COMMD5: variants seen among roughly 807,000 people sequenced by gnomAD.
COMMD5 encodes COMM domain-containing protein 5.
In COMMD5, 10 loss-of-function variants were observed where a neutral mutation model predicts 6.9. That is an observed-to-expected ratio of 1.44 (90% CI 0.89 to 2.45). The LOEUF is 2.45. Among genes scored for constraint, COMMD5 ranks in the 30% most tolerant of loss-of-function variants. COMMD5 has a pLI of 0.00. For synonymous variants in COMMD5, 127 were observed against 125.3 expected, an observed-to-expected ratio of 1.01 and a Z score of -0.09; for missense variants, 234 against 287.8, an observed-to-expected ratio of 0.81 and a Z score of 1.35.
At chr8:144,840,069 G>A (rs1375024073), downstream of COMMD5, among the ~76,000 whole-genome samples, 1 of 152,190 alleles carries the variant, frequency 6.6e-6, no homozygotes, top group African/African-American at 2.4e-5. Flanking sequence ...CAAGTAGCCG[G>A]GATTACAGGC....
At chr8:144,842,186 G>A in intron 1 of COMMD5, 1 of 1,613,626 alleles carries the variant, frequency 6.2e-7, no homozygotes, top group Non-Finnish European at 8.5e-7. Flanking sequence ...ACTGGGGAGA[G>A]GCCCTACCCT....
At chr8:144,850,043 G>A, downstream of COMMD5, 1 of 152,686 alleles carries the variant, frequency 6.5e-6, no homozygotes, top group Non-Finnish European at 1.5e-5. The surrounding 1 kb of genome is among the most constrained non-coding windows in gnomAD (Gnocchi z 4.0). Context: ...ACCTTGTGCT[G>A]CTCCCCTCAG....
At chr8:144,843,933 C>A (rs1349376822) in intron 1 of COMMD5, among the ~76,000 whole-genome samples, 3 of 152,180 alleles carry the variant, frequency 2.0e-5, no homozygotes, top group African/African-American at 7.2e-5. Flanking sequence ...AGAACTTAAC[C>A]CAGCCACCCA....
downstream of COMMD5, among the ~76,000 whole-genome samples, chr8:144,839,470 C>T (rs188207971): frequency 3.3e-5 from 5 of 152,356 alleles, no homozygotes; most frequent in African/African-American, 1.2e-4. Context: ...TAAAATGTCT[C>T]CAACATGGAC....
At chr8:144,848,439 A>G (rs952435348), downstream of COMMD5, among the ~76,000 whole-genome samples, 13 of 151,496 alleles carry the variant, frequency 8.6e-5, no homozygotes, top group Admixed American at 8.5e-4. Flanking sequence ...AGAGGTTGCA[A>G]TGAGTCGAGA....
downstream of COMMD5, among the ~76,000 whole-genome samples, chr8:144,848,921 G>A (rs1260933467): frequency 6.6e-6 from 1 of 152,180 alleles, no homozygotes. Context: ...TCTTTTCATG[G>A]CTGTGTCTTG....
At position 144,841,361 on chromosome 8, in the gene COMMD5, C is replaced by A. The variant is rs180952992; in HGVS notation, c.*499G>T. 7.2e-5 allele frequency: 115 copies of A among 1,598,878 alleles called. 1 individual carries two copies. The East Asian group carries it at 1.9e-3, about 26-fold the overall frequency. On this transcript the variant is annotated 3_prime_UTR_variant and NMD_transcript_variant, in exon 2 of 2. Transcript: ENST00000530332. ...TTGTTCCTGTTTATTTCAGATTCTA[C>A]GATTAGGACTGAAAATGAGCAGGCC...
exon 2 of COMMD5, chr8:144,841,124 G>A (rs1331881800): frequency 9.6e-6 from 5 of 519,112 alleles, no homozygotes; most frequent in Non-Finnish European, 3.4e-6. Context: ...ACCCAGCCCT[G>A]CCCCAGCAAT....
downstream of COMMD5, among the ~76,000 whole-genome samples, chr8:144,845,622 A>G (rs1374552247): frequency 6.6e-6 from 1 of 152,204 alleles, no homozygotes; most frequent in East Asian, 1.9e-4. Flanking sequence ...TAAGGCTGAT[A>G]TTCACAGGCA....
chr8:144,852,086 A>T (rs1158144684), intron 1 of COMMD5, among the ~76,000 whole-genome samples: 1 of 143,614 alleles, frequency 7.0e-6, no homozygotes, highest in Non-Finnish European at 1.5e-5. Context: ...GGCTGCAGTG[A>T]GACGAAATCG....
chr8:144,849,996 G>T (rs1830663955), downstream of COMMD5, among the ~76,000 whole-genome samples: 1 of 151,938 alleles, frequency 6.6e-6, no homozygotes, highest in African/African-American at 2.4e-5. Context: ...AGCACGTCAG[G>T]CCTCCCCACA....
chr8:144,842,973 G>A, intron 1 of COMMD5: 1 of 1,614,202 alleles, frequency 6.2e-7, no homozygotes, highest in Non-Finnish European at 8.5e-7. Context: ...CCACCTTTGT[G>A]AGCCGTAAAA....
chr8:144,838,254 A>G, downstream of COMMD5: 10 of 645,692 alleles, frequency 1.5e-5, no homozygotes, highest in South Asian at 1.7e-4. Context: ...ATGGTGGGTT[A>G]GGGGCCACCC....
chr8:144,840,185 G>C (rs1455114750), downstream of COMMD5, among the ~76,000 whole-genome samples: 1 of 152,266 alleles, frequency 6.6e-6, no homozygotes, highest in African/African-American at 2.4e-5. Context: ...TGCTGAGGTG[G>C]TGTGGTTGTG....
chr8:144,841,199 C>G, exon 2 of COMMD5: 1 of 744,662 alleles, frequency 1.3e-6, no homozygotes, highest in Non-Finnish European at 2.2e-6. Context: ...TGAGAACTGT[C>G]AAAGGCTCTG....
downstream of COMMD5, among the ~76,000 whole-genome samples, chr8:144,845,672 C>T (rs1188853973): frequency 6.6e-6 from 1 of 152,184 alleles, no homozygotes; most frequent in African/African-American, 2.4e-5. Flanking sequence ...CTCCACAGTC[C>T]TTGTCATTCA....
At position 144,851,035 on chromosome 8, in the gene COMMD5, TG is replaced by T. The variant is rs754887321; in HGVS notation, c.303del (p.Thr102ProfsTer3). ...CTGAAGGTGTCAGGCTTCAGGCTGGTGGGGGGCAGACGGAGGGCCTGCTGGA... is the reference window on the plus strand; with the variant it reads ...CTGAAGGTGTCAGGCTTCAGGCTGGTGGGGGCAGACGGAGGGCCTGCTGGA... ...TLLQQALRLP[P>X]TSLKPDTFRD... On this transcript the variant is annotated frameshift_variant, in exon 2 of 2. Transcript: ENST00000305103. LOFTEE classifies it high-confidence loss of function. The T allele has an allele frequency of 1.2e-6, 2 of 1,612,512 alleles. No homozygotes were observed. Among genetic ancestry groups the T allele is most frequent in the Non-Finnish European group, 8.5e-7 (1 of 1,179,784 alleles).
downstream of COMMD5, chr8:144,841,040 G>C (rs1586831899): frequency 3.5e-6 from 1 of 286,340 alleles, no homozygotes; most frequent in East Asian, 6.7e-5. Flanking sequence ...TTCTGGTCTT[G>C]CTTTGTCTCC....
At position 144,850,765 on chromosome 8, in the gene COMMD5, C is replaced by A; in HGVS notation, c.574G>T (p.Val192Phe). 6.2e-7 allele frequency: 1 copy of A among 1,614,172 alleles called. No homozygotes were observed. Among genetic ancestry groups the A allele is most frequent in the Non-Finnish European group, 8.5e-7 (1 of 1,180,050 alleles). The change falls in exon 2 of 2, where the codon GTC becomes TTC. Residue 192 changes from valine to phenylalanine, a missense_variant. Val to Phe is a conservative substitution (Grantham distance 50). Transcript: ENST00000305103. The surrounding 1 kb of genome is among the most constrained non-coding windows in gnomAD (Gnocchi z 4.0). Reference sequence around the variant, plus strand: ...AGCTCCTGGAACTTGGCTGTGGGGACCTCAAAGCGGTATGCTGACCCATCT... The same window carrying A: ...AGCTCCTGGAACTTGGCTGTGGGGAACTCAAAGCGGTATGCTGACCCATCT... Reference protein sequence around the residue: ...LSDGSAYRFEVPTAKFQELRY... With the variant: ...LSDGSAYRFEFPTAKFQELRY...
Sources: allele counts gnomAD v4.1 joint callset (sites outside exome capture counted in the v4.1 genomes callset), GRCh38; gene constraint gnomAD v4.1.1; non-coding constraint Gnocchi (gnomAD v3.1); transcripts MANE v1.5; gene names NCBI Gene and HGNC (gene_info 2026-07-23, HGNC 2026-07-21).